AP3B1: variants seen among roughly 807,000 people sequenced by gnomAD.
AP3B1 encodes the protein adaptor related protein complex 3 subunit beta 1, also known as AP-3 complex subunit beta-1.
In AP3B1, 61 loss-of-function variants were observed where a neutral mutation model predicts 132.5. The ratio of observed to expected loss-of-function variants is 0.46; its 90% CI spans 0.37 to 0.57. The LOEUF is 0.57. Among genes scored for constraint, AP3B1 ranks in the 20% least tolerant of loss-of-function variants. The pLI is 0.00. For synonymous variants in AP3B1, 388 were observed against 438.3 expected (o/e 0.89, Z 1.43); for missense variants, 1,120 against 1,289.4 (o/e 0.87, Z 2.01).
intron 21 of AP3B1, among the ~76,000 whole-genome samples, chr5:78,097,253 G>A (rs1293895772): frequency 5.6e-3 from 435 of 78,172 alleles, no homozygotes; most frequent in Middle Eastern, 0.015. Context: ...TCAGCCCCCC[G>A]CCCGGCCAGC....
intron 22 of AP3B1, among the ~76,000 whole-genome samples, chr5:78,074,330 T>C (rs1390123217): frequency 3.3e-5 from 5 of 151,968 alleles, no homozygotes; most frequent in South Asian, 2.1e-4. Flanking sequence ...ACCCAGAGAA[T>C]TGAATAAAAG....
At chr5:78,218,743 G>C (rs893187624) in intron 6 of AP3B1, among the ~76,000 whole-genome samples, 4 of 152,106 alleles carry the variant, frequency 2.6e-5, no homozygotes, top group Admixed American at 2.0e-4. Context: ...GCAAAAACCT[G>C]AGAGTGCTGG....
chr5:78,164,229 A>G (rs1217548438), intron 12 of AP3B1, among the ~76,000 whole-genome samples: 2 of 152,134 alleles, frequency 1.3e-5, no homozygotes, highest in Non-Finnish European at 2.9e-5. Flanking sequence ...CGTAACTATG[A>G]GCATAACACA....
chr5:78,105,026 A>C (rs1245793151), intron 20 of AP3B1, among the ~76,000 whole-genome samples: 2 of 152,210 alleles, frequency 1.3e-5, no homozygotes, highest in Non-Finnish European at 2.9e-5. Flanking sequence ...AGTATTATTA[A>C]GTGCAAGTAC....
At chr5:78,072,734 T>C (rs1749593798) in intron 22 of AP3B1, among the ~76,000 whole-genome samples, 1 of 138,320 alleles carries the variant, frequency 7.2e-6, no homozygotes. Context: ...TTTTTTTTTT[T>C]TTTTTGAGAT....
At chr5:78,087,720 T>C in intron 22 of AP3B1, 1 of 983,104 alleles carries the variant, frequency 1.0e-6, no homozygotes, top group Non-Finnish European at 1.2e-6. Flanking sequence ...AGGGTGAGTC[T>C]GTCAATTACT....
chr5:78,138,196 T>G (rs1317385926), intron 15 of AP3B1, among the ~76,000 whole-genome samples: 1 of 152,234 alleles, frequency 6.6e-6, no homozygotes, highest in Non-Finnish European at 1.5e-5. Context: ...CTGGGTGCAG[T>G]GGCTCACGCC....
chr5:78,166,116 GTCACACACACAC>G (rs1743611623), intron 11 of AP3B1, among the ~76,000 whole-genome samples: 1 of 98,986 alleles, frequency 1.0e-5, no homozygotes, highest in Non-Finnish European at 1.9e-5. Flanking sequence ...CTGAAACTCT[GTCACACACACAC>G]ACACACACAC....
chr5:78,226,492 T>C (rs1746404903), intron 5 of AP3B1, among the ~76,000 whole-genome samples: 3 of 152,116 alleles, frequency 2.0e-5, no homozygotes, highest in Non-Finnish European at 2.9e-5. Context: ...CTCTGGTCCC[T>C]GTCCTATCAA....
At chr5:78,265,451 CA>C (rs959593329) in intron 2 of AP3B1, among the ~76,000 whole-genome samples, 5 of 149,042 alleles carry the variant, frequency 3.4e-5, no homozygotes, top group Non-Finnish European at 6.0e-5. Context: ...TCTAAAAAAA[CA>C]AAAAAAAAGG....
At chr5:78,221,417 G>A (rs955595573) in intron 6 of AP3B1, among the ~76,000 whole-genome samples, 4 of 152,084 alleles carry the variant, frequency 2.6e-5, no homozygotes, top group Non-Finnish European at 5.9e-5. Context: ...ACCCTCAAGA[G>A]AAGCATTTGA....
downstream of AP3B1, chr5:78,000,711 A>T (rs915126801): frequency 6.6e-6 from 1 of 152,230 alleles, no homozygotes; most frequent in Non-Finnish European, 1.5e-5. Context: ...TTAAGTGAAC[A>T]TTAAAATGAA....
At chr5:78,053,486 C>A (rs976301845) in intron 22 of AP3B1, among the ~76,000 whole-genome samples, 2 of 151,920 alleles carry the variant, frequency 1.3e-5, no homozygotes, top group Admixed American at 6.6e-5. Flanking sequence ...TCGAGACCAG[C>A]CTGACCAATA....
chr5:78,243,479 T>C lies in AP3B1; in HGVS notation c.205-2543A>G, dbSNP rs114986513. ...TTCTAGCAGGGACCATCCTAGGCCT[T>C]AGGGATCCAACCATAACCAATACAA... is the stretch of plus-strand genomic sequence containing the variant. On this transcript the variant is annotated intron_variant, in intron 2 of 26. Transcript: ENST00000255194. Among the ~76,000 whole-genome samples, 486 of 152,332 alleles carry C rather than the reference T, an allele frequency of 3.2e-3. 4 individuals carry two copies. The highest frequency in any genetic ancestry group is 5.0e-3 in the Non-Finnish European group (342 of 68,020).
chr5:78,283,391 T>TA (rs1160403350), intron 1 of AP3B1, among the ~76,000 whole-genome samples: 2 of 152,192 alleles, frequency 1.3e-5, no homozygotes, highest in Non-Finnish European at 2.9e-5. Context: ...CCTTATACCT[T>TA]AAACACAATT....
intron 23 of AP3B1, among the ~76,000 whole-genome samples, chr5:78,036,595 A>C (rs912939862): frequency 3.3e-5 from 5 of 152,044 alleles, no homozygotes; most frequent in Non-Finnish European, 7.4e-5. Context: ...CTTAAAAAAA[A>C]CCCTCTTATA....
At chr5:78,262,828 A>AT (rs999374539) in intron 2 of AP3B1, among the ~76,000 whole-genome samples, 7 of 151,748 alleles carry the variant, frequency 4.6e-5, no homozygotes, top group Non-Finnish European at 1.0e-4. Flanking sequence ...ACAGGTAGTA[A>AT]TTTTTTTCTT....
chr5:78,140,389 T>G (rs1043010558), intron 15 of AP3B1, among the ~76,000 whole-genome samples: 1 of 152,102 alleles, frequency 6.6e-6, no homozygotes, highest in African/African-American at 2.4e-5. Context: ...GGAAGCCTAT[T>G]AATAATATAA....
chr5:78,137,369 A>G (rs1752964621), intron 15 of AP3B1, among the ~76,000 whole-genome samples: 1 of 152,108 alleles, frequency 6.6e-6, no homozygotes, highest in South Asian at 2.1e-4. Context: ...ACTTAGGTAC[A>G]ATTACTCCCA....
Sources: gnomAD v4.1 joint callset for allele counts (sites outside exome capture counted in the v4.1 genomes callset) on GRCh38, gnomAD v4.1.1 for gene constraint, MANE v1.5 for transcripts, NCBI Gene and HGNC (gene_info 2026-07-23, HGNC 2026-07-21) for gene names.